Variants in GRIA4 observed in about 807,000 individuals in gnomAD.
The protein encoded by GRIA4 is glutamate ionotropic receptor AMPA type subunit 4, also known as glutamate receptor 4.
Under a neutral mutation model 104.0 loss-of-function variants are expected in GRIA4, and 34 were observed. The ratio of observed to expected loss-of-function variants is 0.33; its 90% CI spans 0.25 to 0.44. GRIA4 has a LOEUF of 0.44. GRIA4 is among the 20% of genes least tolerant of loss of function. The pLI is 1.00. For missense variants in GRIA4, 750 were observed against 1,096.5 expected (o/e 0.68, Z 4.46); for synonymous variants, 386 against 381.9 (o/e 1.01, Z -0.13).
At chr11:105,715,001 A>G (rs747158602) in intron 3 of GRIA4, among the ~76,000 whole-genome samples, 1 of 152,204 alleles carries the variant, frequency 6.6e-6, no homozygotes, top group Non-Finnish European at 1.5e-5. Context: ...AGTCAAGGCC[A>G]GACTTGATGG....
intron 4 of GRIA4, among the ~76,000 whole-genome samples, chr11:105,852,926 G>A (rs1309588784): frequency 6.7e-6 from 1 of 148,490 alleles, no homozygotes; most frequent in East Asian, 2.0e-4. Flanking sequence ...GAATGGTTTT[G>A]GCTTTGTGTA....
At chr11:105,911,379 T>C (rs1947229611) in intron 10 of GRIA4, among the ~76,000 whole-genome samples, 1 of 152,014 alleles carries the variant, frequency 6.6e-6, no homozygotes, top group Non-Finnish European at 1.5e-5. Context: ...AGATCAACAA[T>C]CGGTGACCTT....
chr11:105,614,881 C>T (rs1950562114), intron 3 of GRIA4, among the ~76,000 whole-genome samples: 1 of 151,764 alleles, frequency 6.6e-6, no homozygotes, highest in African/African-American at 2.4e-5. Flanking sequence ...AAAACGTAAG[C>T]AGTAAATATA....
At chr11:105,838,846 C>T (rs1220524407) in intron 4 of GRIA4, among the ~76,000 whole-genome samples, 1 of 152,150 alleles carries the variant, frequency 6.6e-6, no homozygotes, top group Non-Finnish European at 1.5e-5. Context: ...GAAGATGCTG[C>T]CTCTCTCTTG....
intron 14 of GRIA4, among the ~76,000 whole-genome samples, chr11:105,946,199 T>C (rs1257330509): frequency 2.0e-5 from 3 of 152,218 alleles, no homozygotes; most frequent in African/African-American, 7.2e-5. Context: ...TTTGTGTTGT[T>C]GTCCATAGAA....
chr11:105,757,119 G>A lies in GRIA4; in HGVS notation c.487+3899G>A, dbSNP rs1053139104. Among the ~76,000 whole-genome samples the A allele has an allele frequency of 8.5e-5, 13 of 152,298 alleles. 1 individual carries two copies. In the East Asian group the frequency reaches 2.3e-3, roughly 27 times the overall value. ...TCAGAGCATCTCCTTTGGAGTCACT[G>A]CAACATTTATTACTTGCCTTCATTA... On this transcript the variant is annotated intron_variant, in intron 4 of 16. Transcript: ENST00000282499.
At chr11:105,898,521 A>G (rs1195080084) in intron 7 of GRIA4, 94 bp downstream of exon 7, 1 of 768,410 alleles carries the variant, frequency 1.3e-6, no homozygotes, top group Non-Finnish European at 2.2e-6. Context: ...ATTTTGCCAA[A>G]CATAGTATGG....
chr11:105,630,675 T>G (rs552973802), intron 3 of GRIA4, among the ~76,000 whole-genome samples: 6 of 150,788 alleles, frequency 4.0e-5, no homozygotes, highest in Middle Eastern at 3.4e-3. Flanking sequence ...AGTACCCAAG[T>G]AAGGCATTAA....
intron 3 of GRIA4, among the ~76,000 whole-genome samples, chr11:105,638,428 C>T (rs1013117221): frequency 3.3e-5 from 5 of 152,000 alleles, no homozygotes; most frequent in Admixed American, 6.6e-5. Context: ...TGTTTTATTC[C>T]GTAAGTAATA....
At chr11:105,756,672 T>TACAAA (rs1221952959) in intron 4 of GRIA4, among the ~76,000 whole-genome samples, 1 of 148,342 alleles carries the variant, frequency 6.7e-6, no homozygotes. Context: ...CCCAAAAAAA[T>TACAAA]ACAAAACAAA....
intron 3 of GRIA4, among the ~76,000 whole-genome samples, chr11:105,723,519 G>A (rs1937978795): frequency 6.6e-6 from 1 of 152,182 alleles, no homozygotes; most frequent in South Asian, 2.1e-4. Context: ...GAGTTAGGAT[G>A]TCTAAATTCT....
At chr11:105,715,348 A>G (rs1415723242) in intron 3 of GRIA4, among the ~76,000 whole-genome samples, 1 of 152,190 alleles carries the variant, frequency 6.6e-6, no homozygotes, top group Non-Finnish European at 1.5e-5. Context: ...ATTTAGTACT[A>G]GAGATATATC....
intron 10 of GRIA4, chr11:105,911,973 A>G: frequency 6.7e-7 from 1 of 1,488,004 alleles, no homozygotes; most frequent in Non-Finnish European, 9.0e-7. Context: ...CTTGTTCTCC[A>G]GTGTAGTAAA....
intron 9 of GRIA4, among the ~76,000 whole-genome samples, chr11:105,907,754 T>C (rs1947094315): frequency 6.6e-6 from 1 of 152,186 alleles, no homozygotes; most frequent in Non-Finnish European, 1.5e-5. Context: ...AAAATTGATG[T>C]GCATTTTTAT....
At chr11:105,622,822 T>A (rs1950783617) in intron 3 of GRIA4, among the ~76,000 whole-genome samples, 2 of 151,672 alleles carry the variant, frequency 1.3e-5, no homozygotes, top group African/African-American at 4.8e-5. Context: ...TAATTTATCA[T>A]CATCCACCCT....
At chr11:105,649,554 T>C (rs1951628294) in intron 3 of GRIA4, among the ~76,000 whole-genome samples, 1 of 152,150 alleles carries the variant, frequency 6.6e-6, no homozygotes. Flanking sequence ...CCTATACATA[T>C]AACCTTTCTT....
intron 4 of GRIA4, among the ~76,000 whole-genome samples, chr11:105,781,395 A>T (rs1941719860): frequency 6.6e-6 from 1 of 151,990 alleles, no homozygotes; most frequent in Non-Finnish European, 1.5e-5. Flanking sequence ...TACTGCCTTT[A>T]TTTATTCATA....
intron 11 of GRIA4, among the ~76,000 whole-genome samples, chr11:105,919,168 T>A (rs1947489040): frequency 6.6e-6 from 1 of 152,118 alleles, no homozygotes; most frequent in Non-Finnish European, 1.5e-5. Flanking sequence ...CTAGTTTTTT[T>A]AATTGACTTC....
At chr11:105,871,289 T>C (rs1368453109) in intron 5 of GRIA4, among the ~76,000 whole-genome samples, 2 of 152,060 alleles carry the variant, frequency 1.3e-5, no homozygotes, top group African/African-American at 2.4e-5. Flanking sequence ...TAAATTTGTT[T>C]TGGCAATTTT....
Sources: allele counts gnomAD v4.1 joint callset (sites outside exome capture counted in the v4.1 genomes callset), GRCh38; gene constraint gnomAD v4.1.1; transcripts MANE v1.5; gene names NCBI Gene and HGNC (gene_info 2026-07-23, HGNC 2026-07-21).